The following NECAB3 variants were observed in gnomAD, a reference collection of about 807,000 sequenced individuals.
NECAB3 encodes N-terminal EF-hand calcium-binding protein 3.
Under a neutral mutation model 57.2 loss-of-function variants are expected in NECAB3, and 38 were observed. The observed-to-expected ratio is 0.66, with a 90% CI of 0.51 to 0.87. The LOEUF (loss-of-function observed/expected upper bound fraction) is 0.87. Among genes scored for constraint, NECAB3 ranks in the 40% least tolerant of loss-of-function variants. The pLI is 0.00. For missense variants in NECAB3, 474 were observed against 527.5 expected (o/e 0.90, Z 0.99); for synonymous variants, 223 against 222.6 (o/e 1.00, Z -0.02).
At chr20:33,674,499 GT>G, upstream of NECAB3, 1 of 759,130 alleles carries the variant, frequency 1.3e-6, no homozygotes. Context: ...CGGACGCCGG[GT>G]TCCCTCGCCT....
chr20:33,674,181 C>A, intron 1 of NECAB3, 43 bp downstream of exon 1: 1 of 1,249,440 alleles, frequency 8.0e-7, no homozygotes. Flanking sequence ...CTAACAGAGA[C>A]TCGGGTAGGG....
At chr20:33,672,253 G>T in intron 2 of NECAB3, 145 bp downstream of exon 2, 1 of 951,176 alleles carries the variant, frequency 1.1e-6, no homozygotes, top group East Asian at 2.4e-5. Flanking sequence ...CTTCCTCTGG[G>T]AAGTGCCTTG....
intron 2 of NECAB3, among the ~76,000 whole-genome samples, chr20:33,671,536 G>A (rs979117201): frequency 1.3e-5 from 2 of 152,032 alleles, no homozygotes; most frequent in African/African-American, 4.8e-5. Flanking sequence ...CAAAGAGTGG[G>A]GACAGGACCC....
chr20:33,658,170 G>C, intron 10 of NECAB3, 137 bp from the exon 11 acceptor site: 1 of 767,370 alleles, frequency 1.3e-6, no homozygotes, highest in Non-Finnish European at 2.1e-6. Flanking sequence ...AGCTGTGTGG[G>C]TGGAATGAAG....
intron 5 of NECAB3, among the ~76,000 whole-genome samples, chr20:33,661,871 G>A (rs1300268436): frequency 6.6e-6 from 1 of 152,132 alleles, no homozygotes; most frequent in African/African-American, 2.4e-5. Context: ...GGCTGGACTC[G>A]AACTCCTGAC....
intron 5 of NECAB3, chr20:33,663,899 T>C (rs1015234902): frequency 2.2e-6 from 3 of 1,368,336 alleles, no homozygotes; most frequent in African/African-American, 1.5e-5. Context: ...CAATAAAGAG[T>C]GCGTGGCAAC....
intron 5 of NECAB3, chr20:33,667,762 CT>C: frequency 1.9e-6 from 3 of 1,612,580 alleles, no homozygotes; most frequent in Non-Finnish European, 2.5e-6. Context: ...CTACGTGTCC[CT>C]GGACTTCGAG....
chr20:33,664,689 C>T (rs2017596423), intron 5 of NECAB3: 1 of 152,294 alleles, frequency 6.6e-6, no homozygotes, highest in African/African-American at 2.4e-5. Context: ...TGGGCGGGAT[C>T]CTGCTGCTGC....
intron 5 of NECAB3, chr20:33,662,416 T>G: frequency 6.4e-7 from 1 of 1,551,602 alleles, no homozygotes; most frequent in Non-Finnish European, 8.7e-7. Flanking sequence ...CCGGCTGACA[T>G]GGACAAGGCC....
At chr20:33,674,442 G>C (rs2017908940), upstream of NECAB3, 2 of 1,034,264 alleles carry the variant, frequency 1.9e-6, no homozygotes, top group Non-Finnish European at 2.3e-6. Flanking sequence ...GCCCCTTGGC[G>C]CCGGCGCCGA....
intron 5 of NECAB3, chr20:33,666,445 G>A (rs1160980995): frequency 6.6e-6 from 1 of 152,344 alleles, no homozygotes; most frequent in Non-Finnish European, 1.5e-5. Context: ...GTCACAATGA[G>A]CCCAATCCAA....
Position 33,660,943 on chromosome 20 carries a change from A to G in NECAB3, c.388-548T>C, listed in dbSNP as rs1457822241. On this transcript the variant is annotated intron_variant, in intron 5 of 11. Transcript: ENST00000246190. The surrounding 1 kb of genome is among the most constrained non-coding windows in gnomAD (Gnocchi z 4.1). ...GACACACACGCCGGCACTGACCCCA[A>G]CCGACACTGCCAGCCTCCTCCCAGC... 2.0e-5 allele frequency among the ~76,000 whole-genome samples: 3 copies of G among 152,094 alleles called. No individual in the cohort carries two copies. The highest frequency in any genetic ancestry group is 4.4e-5 in the Non-Finnish European group (3 of 67,996).
At chr20:33,669,522 C>T (rs774554059) in intron 4 of NECAB3, 50 bp from the exon 5 acceptor site, 1 of 1,602,492 alleles carries the variant, frequency 6.2e-7, no homozygotes, top group Non-Finnish European at 8.5e-7. Flanking sequence ...ACCCATCTAC[C>T]CACCCTGGGA....
chr20:33,670,509 G>T, intron 3 of NECAB3, 175 bp downstream of exon 3: 1 of 523,208 alleles, frequency 1.9e-6, no homozygotes, highest in Non-Finnish European at 3.4e-6. Context: ...AGTGTAGTGG[G>T]CAAGGCTGTA....
intron 5 of NECAB3, chr20:33,668,099 CCAAG>C: frequency 6.2e-7 from 1 of 1,604,262 alleles, no homozygotes; most frequent in Non-Finnish European, 8.5e-7. Context: ...CACCTGGTGG[CCAAG>C]CATGGGCGTG....
intron 7 of NECAB3, 52 bp downstream of exon 7, chr20:33,659,833 G>A (rs919907943): frequency 6.5e-7 from 1 of 1,534,388 alleles, no homozygotes; most frequent in Non-Finnish European, 8.7e-7. Context: ...CTGGGGGAAG[G>A]GGGGATGCGG....
In NECAB3 at chr20:33,659,552, T is replaced by A. The variant is rs868609756; in HGVS notation, c.824A>T (p.Gln275Leu). The A allele has an allele frequency of 6.4e-7, 1 of 1,562,102 alleles. No individual in the cohort carries two copies. Among genetic ancestry groups the A allele is most frequent in the Non-Finnish European group, 8.7e-7 (1 of 1,150,010 alleles). The change falls in exon 8 of 12, where the codon CAG (glutamine) becomes CTG (leucine). Residue 275 changes from glutamine (Q) to leucine (L), a missense_variant. Physicochemically the swap from Gln to Leu is moderately radical, Grantham distance 113. Transcript: ENST00000246190. ...ACGCAGGGGTTCCAGCCGGGGGGCCTGTGAGGGCACAGAGTGTGGGCCGGG... is the reference window on the plus strand; with the variant it reads ...ACGCAGGGGTTCCAGCCGGGGGGCCAGTGAGGGCACAGAGTGTGGGCCGGG... ...WRPGPHSVPS[Q>L]APRLEPLREE...
Position 33,659,978 on chromosome 20 carries a change from G to C in NECAB3, c.550C>G (p.Gln184Glu), listed in dbSNP as rs1164341318. Residue 184 changes from glutamine (Q) to glutamate (E), a missense_variant, in exon 7 of 12, where the codon CAG becomes GAG. Physicochemically the swap from Gln to Glu is conservative, Grantham distance 29. Transcript: ENST00000246190. ...WRSDAESVEA[Q>E]SRLCGSRRAG... is the part of the protein sequence containing the mutation. ...CGCCGGCTGCCGCAGAGCCTGCTCT[G>C]CGCCTCCACGCTCTCTGCATCTGAC... The C allele has an allele frequency of 5.1e-6, 8 of 1,567,626 alleles. No individual in the cohort carries two copies. The highest frequency in any genetic ancestry group is 6.9e-6 in the Non-Finnish European group (8 of 1,159,224).
chr20:33,659,811 A>G, intron 7 of NECAB3, 74 bp downstream of exon 7: 1 of 1,530,700 alleles, frequency 6.5e-7, no homozygotes, highest in Non-Finnish European at 8.8e-7. Context: ...AGGGGCAGTG[A>G]AGGAGCGGGC....
Sources: gnomAD v4.1 joint callset for allele counts (sites outside exome capture counted in the v4.1 genomes callset) on GRCh38, gnomAD v4.1.1 for gene constraint, Gnocchi (gnomAD v3.1) non-coding constraint, MANE v1.5 for transcripts, NCBI Gene and HGNC (gene_info 2026-07-23, HGNC 2026-07-21) for gene names.